PHC2: variants seen among roughly 807,000 people sequenced by gnomAD.
PHC2 encodes the protein polyhomeotic-like protein 2.
PHC2 carries 29 observed loss-of-function variants against 87.4 expected under a neutral mutation model. The ratio of observed to expected loss-of-function variants is 0.33; its 90% CI spans 0.25 to 0.45. The LOEUF (loss-of-function observed/expected upper bound fraction) is 0.45, where lower values mean the gene tolerates loss of function less well. Among genes scored for constraint, PHC2 ranks in the 20% least tolerant of loss-of-function variants. The pLI is 1.00. For missense variants in PHC2, 857 were observed against 1,136.7 expected, an observed-to-expected ratio of 0.75 and a Z score of 3.54; for synonymous variants, 438 against 461.7, an observed-to-expected ratio of 0.95 and a Z score of 0.66.
intron 1 of PHC2, among the ~76,000 whole-genome samples, chr1:33,416,917 T>G (rs1043835419): frequency 3.9e-5 from 6 of 152,068 alleles, no homozygotes; most frequent in Admixed American, 2.6e-4. Context: ...TACATATCTT[T>G]AAAAGATAAT....
At position 33,378,101 on chromosome 1, in the gene PHC2, G is replaced by A. The variant is rs540781786; in HGVS notation, c.-54-2508C>T. On this transcript the variant is annotated intron_variant, in intron 1 of 14. Coordinates refer to ENST00000683057, the MANE Select transcript of PHC2 (RefSeq NM_001385109.1). Reference sequence around the variant, plus strand: ...TTTGTCCTGAGCTGCACGCAGTGCTGGGCCTTATTATGGCTACTGACTTGC... The same window carrying A: ...TTTGTCCTGAGCTGCACGCAGTGCTAGGCCTTATTATGGCTACTGACTTGC... Among the ~76,000 whole-genome samples, 4 of 152,330 alleles carry A rather than the reference G, an allele frequency of 2.6e-5. No individual in the cohort carries two copies. The South Asian group carries it at 8.3e-4, about 32-fold the overall frequency.
In PHC2 at chr1:33,329,943, T is replaced by G. The variant is rs959861076; in HGVS notation, c.2148+128A>C. 11 of 1,034,094 alleles carry G rather than the reference T, an allele frequency of 1.1e-5. 1 individual carries two copies. Among genetic ancestry groups the G allele is most frequent in the Middle Eastern group, 6.1e-4 (2 of 3,290 alleles). 64.1% of individuals were successfully genotyped at this position (1,034,094 alleles called of 1,614,324 possible). ...TGCAGAAGGCTCGACTGGACAGGTCTACAAGGAATGAGAGCACAGCAGAGT... is the reference window on the plus strand; with the variant it reads ...TGCAGAAGGCTCGACTGGACAGGTCGACAAGGAATGAGAGCACAGCAGAGT... On this transcript the variant is annotated intron_variant, in intron 13 of 14. Coordinates refer to ENST00000683057, the MANE Select transcript of PHC2 (RefSeq NM_001385109.1).
intron 1 of PHC2, among the ~76,000 whole-genome samples, chr1:33,399,993 T>C (rs1281459901): frequency 6.6e-6 from 1 of 150,992 alleles, no homozygotes; most frequent in African/African-American, 2.4e-5. Flanking sequence ...TAGTAGAAAA[T>C]AGGCAAAGGA....
intron 7 of PHC2, among the ~76,000 whole-genome samples, chr1:33,362,685 G>A (rs1334951519): frequency 4.6e-5 from 7 of 152,206 alleles, no homozygotes; most frequent in African/African-American, 7.2e-5. Context: ...GGTCACACGC[G>A]CACACAGCCC....
intron 1 of PHC2, among the ~76,000 whole-genome samples, chr1:33,415,059 C>T (rs1050278418): frequency 8.5e-5 from 13 of 152,130 alleles, no homozygotes; most frequent in Non-Finnish European, 1.9e-4. Flanking sequence ...ACGAGTGTAC[C>T]AGTTTACTGC....
At chr1:33,376,762 T>A (rs565698068) in intron 1 of PHC2, among the ~76,000 whole-genome samples, 14 of 152,160 alleles carry the variant, frequency 9.2e-5, no homozygotes, top group Non-Finnish European at 1.6e-4. Context: ...AACCCCATCT[T>A]TACTATAAAT....
In PHC2 at chr1:33,325,109, T is replaced by C. The variant is rs544891995; in HGVS notation, c.2426-90A>G. 4.9e-6 allele frequency: 6 copies of C among 1,226,738 alleles called. No homozygotes were observed. In the East Asian group the frequency reaches 1.0e-4, roughly 21 times the overall value. 76.0% of individuals were successfully genotyped at this position (1,226,738 alleles called of 1,614,324 possible). A position where few individuals can be genotyped will look rare whatever the true frequency, so the allele number is the denominator to read the frequency against. The stretch of plus-strand genomic sequence containing the variant: ...GCATCTAGTTATCTAGATCTAGTTA[T>C]CTGCATCCATTATTTCTTTTAGTCC... On this transcript the variant is annotated intron_variant, in intron 14 of 14. Coordinates refer to ENST00000683057, the MANE Select transcript of PHC2 (RefSeq NM_001385109.1).
chr1:33,354,902 G>C lies in PHC2; in HGVS notation c.1328C>G (p.Thr443Ser). The change falls in exon 8 of 15, where the codon ACC (threonine) becomes AGC (serine). Residue 443 changes from threonine to serine, a missense_variant. Coordinates refer to ENST00000683057, the MANE Select transcript of PHC2 (RefSeq NM_001385109.1). ...AGTGTGCTGGAACCTGCGTTGAGGG[G>C]TGTGGGGCACGCCCTCGGGATGTCC... ...QNGHPEGVPHTPQRRFQHTSA... is the reference protein window; with the variant it reads ...QNGHPEGVPHSPQRRFQHTSA... 1 of 1,614,220 alleles carries C rather than the reference G, an allele frequency of 6.2e-7. No individual in the cohort carries two copies. Among genetic ancestry groups the C allele is most frequent in the Non-Finnish European group, 8.5e-7 (1 of 1,180,040 alleles).
chr1:33,370,168 T>C (rs1215202945), intron 5 of PHC2, among the ~76,000 whole-genome samples: 1 of 152,170 alleles, frequency 6.6e-6, no homozygotes, highest in Non-Finnish European at 1.5e-5. Flanking sequence ...TCTGTTTCAC[T>C]CTAGGAGGAG....
chr1:33,369,170 A>G lies in PHC2; in HGVS notation c.577-548T>C, dbSNP rs1294525641. On this transcript the variant is annotated intron_variant, in intron 5 of 14. Coordinates refer to ENST00000683057, the MANE Select transcript of PHC2 (RefSeq NM_001385109.1). This position sits in a 1 kb window ranked among gnomAD's most constrained non-coding sequence, Gnocchi z 4.7. Reference sequence around the variant, plus strand: ...TTCAGAGGGGCCTAGAGACAACAACAGCAGAGGAAGCGGACCGCCTGGAGC... The same window carrying G: ...TTCAGAGGGGCCTAGAGACAACAACGGCAGAGGAAGCGGACCGCCTGGAGC... Among the ~76,000 whole-genome samples the G allele has an allele frequency of 6.6e-6, 1 of 152,184 alleles. No homozygotes were observed. Among genetic ancestry groups the G allele is most frequent in the African/African-American group, 2.4e-5 (1 of 41,444 alleles).
chr1:33,363,148 C>T (rs1356708556), intron 7 of PHC2: 1 of 152,204 alleles, frequency 6.6e-6, no homozygotes, highest in Non-Finnish European at 1.5e-5. Context: ...AAGGCCAAGT[C>T]CCTTTGTGTG....
chr1:33,406,536 C>G (rs1649770853), intron 1 of PHC2, among the ~76,000 whole-genome samples: 1 of 152,156 alleles, frequency 6.6e-6, no homozygotes, highest in African/African-American at 2.4e-5. Context: ...AAATCACCCA[C>G]AGTTGAAAAC....
At position 33,373,284 on chromosome 1, in the gene PHC2, AT is replaced by A. The variant is rs1012877329; in HGVS notation, c.175-838del. ...AGGTGCCCGCCACCACACCTGGCTA[AT>A]TTTTTTTGTATTTTTAGTAGAGACG... On this transcript the variant is annotated intron_variant, in intron 2 of 14. Transcript: ENST00000683057. Among the ~76,000 whole-genome samples the A allele has an allele frequency of 5.1e-4, 77 of 151,652 alleles. 1 individual carries two copies. Among genetic ancestry groups the A allele is most frequent in the African/African-American group, 1.5e-3 (64 of 41,334 alleles).
chr1:33,356,249 T>TTATATATATATATATATA (rs60725677), intron 7 of PHC2, among the ~76,000 whole-genome samples: 126 of 101,514 alleles, frequency 1.2e-3, no homozygotes, highest in East Asian at 5.8e-3. Context: ...GTGAAAATTC[T>TTATATATATATATATATA]TATATATATA....
chr1:33,391,087 T>C (rs542747161), intron 1 of PHC2, among the ~76,000 whole-genome samples: 36 of 152,282 alleles, frequency 2.4e-4, no homozygotes, highest in Non-Finnish European at 5.0e-4. Flanking sequence ...TTATTAAAAA[T>C]GCAAATTTTC....
At chr1:33,348,984 G>A (rs1419927374) in intron 9 of PHC2, 1 of 791,716 alleles carries the variant, frequency 1.3e-6, no homozygotes, top group Non-Finnish European at 1.5e-6. Context: ...CCTGTCTGTG[G>A]ACTTCAGTTT....
At chr1:33,350,385 T>C (rs1049407668) in intron 9 of PHC2, 8 of 152,222 alleles carry the variant, frequency 5.3e-5, no homozygotes, top group Non-Finnish European at 7.3e-5. Flanking sequence ...GGGCTCGCGG[T>C]TGAGGCTGAT....
intron 14 of PHC2, chr1:33,325,285 C>T (rs924217224): frequency 7.6e-6 from 3 of 392,470 alleles, no homozygotes; most frequent in Non-Finnish European, 1.4e-5. Context: ...CCCATGTCCA[C>T]TAAAGTGCTG....
intron 1 of PHC2, among the ~76,000 whole-genome samples, chr1:33,406,932 C>T (rs1649787568): frequency 6.6e-6 from 1 of 152,126 alleles, no homozygotes; most frequent in Non-Finnish European, 1.5e-5. Context: ...TTATTCTGAC[C>T]TGCATGTCTC....
Sources: gnomAD v4.1 joint callset for allele counts (sites outside exome capture counted in the v4.1 genomes callset) on GRCh38, gnomAD v4.1.1 for gene constraint, Gnocchi (gnomAD v3.1) non-coding constraint, MANE v1.5 for transcripts, NCBI Gene and HGNC (gene_info 2026-07-23, HGNC 2026-07-21) for gene names.